Variants in GRIA4 observed in about 807,000 individuals in gnomAD.
GRIA4 encodes the protein glutamate ionotropic receptor AMPA type subunit 4.
In GRIA4, 34 loss-of-function variants were observed where a neutral mutation model predicts 104.0. That is an observed-to-expected ratio of 0.33 (90% confidence interval 0.25 to 0.44). The LOEUF (loss-of-function observed/expected upper bound fraction) is 0.44. Ranked by LOEUF, GRIA4 falls within the 20% of genes least tolerant of loss-of-function variation. The pLI, the probability that GRIA4 is intolerant of heterozygous loss-of-function variation, is 1.00. For synonymous variants in GRIA4, 386 were observed against 381.9 expected (o/e 1.01, Z -0.13); for missense variants, 750 against 1,096.5 (o/e 0.68, Z 4.46).
chr11:105,623,063 A>G (rs1013878696), intron 3 of GRIA4, among the ~76,000 whole-genome samples: 2 of 26,230 alleles, frequency 7.6e-5, no homozygotes, highest in African/African-American at 4.0e-4. Context: ...GTATATATAT[A>G]TATATATATA....
intron 16 of GRIA4, among the ~76,000 whole-genome samples, chr11:105,977,201 G>C (rs1287341531): frequency 2.6e-5 from 4 of 151,986 alleles, no homozygotes; most frequent in African/African-American, 9.6e-5. Flanking sequence ...ACAAATAATT[G>C]TCTATTTTAC....
intron 3 of GRIA4, among the ~76,000 whole-genome samples, chr11:105,686,066 TC>T (rs1250833190): frequency 6.6e-6 from 1 of 152,174 alleles, no homozygotes; most frequent in Non-Finnish European, 1.5e-5. Context: ...CAAAAGAGTT[TC>T]TTTTTTTCAA....
chr11:105,739,826 G>A (rs545691180), intron 3 of GRIA4, among the ~76,000 whole-genome samples: 1 of 151,856 alleles, frequency 6.6e-6, no homozygotes, highest in African/African-American at 2.4e-5. Context: ...ACATCCAGAG[G>A]GCTAATAAGA....
At chr11:105,784,473 G>A (rs1941869089) in intron 4 of GRIA4, among the ~76,000 whole-genome samples, 1 of 152,198 alleles carries the variant, frequency 6.6e-6, no homozygotes, top group South Asian at 2.1e-4. Flanking sequence ...TATAACTGCC[G>A]TGAGTGCAGG....
chr11:105,968,549 T>C (rs1177658976), intron 14 of GRIA4, among the ~76,000 whole-genome samples: 1 of 152,154 alleles, frequency 6.6e-6, no homozygotes, highest in Admixed American at 6.5e-5. Flanking sequence ...GGCTTCACCT[T>C]GAAAGGTAAA....
intron 3 of GRIA4, among the ~76,000 whole-genome samples, chr11:105,671,864 T>G (rs1952385356): frequency 6.6e-6 from 1 of 151,988 alleles, no homozygotes; most frequent in Non-Finnish European, 1.5e-5. Context: ...ATTCCCAGAC[T>G]CCACTCACCC....
At chr11:105,620,046 T>G (rs1010532070) in intron 3 of GRIA4, among the ~76,000 whole-genome samples, 1 of 151,896 alleles carries the variant, frequency 6.6e-6, no homozygotes, top group Admixed American at 6.6e-5. Flanking sequence ...GTGTTACATA[T>G]TCTACATCAG....
intron 3 of GRIA4, among the ~76,000 whole-genome samples, chr11:105,684,890 A>AAGT (rs1952826142): frequency 6.6e-6 from 1 of 151,900 alleles, no homozygotes; most frequent in Non-Finnish European, 1.5e-5. Context: ...CTTACATTGT[A>AAGT]AAGATTACTT....
intron 3 of GRIA4, among the ~76,000 whole-genome samples, chr11:105,736,708 T>C (rs1199619260): frequency 6.6e-6 from 1 of 152,134 alleles, no homozygotes. Flanking sequence ...TAAATTTTTT[T>C]TCAAAAGGCT....
At chr11:105,820,951 C>T (rs1398306626) in intron 4 of GRIA4, among the ~76,000 whole-genome samples, 3 of 152,106 alleles carry the variant, frequency 2.0e-5, no homozygotes, top group East Asian at 1.9e-4. Context: ...CGAAAACTTC[C>T]CTGATGGTAT....
In GRIA4 at chr11:105,890,872, G is replaced by T. The variant is rs150527148; in HGVS notation, c.726+3300G>T. 4.6e-3 allele frequency among the ~76,000 whole-genome samples: 705 copies of T among 152,288 alleles called. 6 individuals carry two copies. The highest frequency in any genetic ancestry group is 7.2e-3 in the Non-Finnish European group (491 of 67,996). On this transcript the variant is annotated intron_variant, in intron 6 of 16. Transcript: ENST00000282499. ...TAAAACTTGCTAGAAATGAAAGATTGCTGCGATTCTTTTTTCTTTTCTATG... is the reference window on the plus strand; with the variant it reads ...TAAAACTTGCTAGAAATGAAAGATTTCTGCGATTCTTTTTTCTTTTCTATG...
chr11:105,713,711 A>G (rs1166475601), intron 3 of GRIA4, among the ~76,000 whole-genome samples: 1 of 152,178 alleles, frequency 6.6e-6, no homozygotes, highest in East Asian at 1.9e-4. Context: ...TTACTTCAGG[A>G]ACATAGTTCA....
chr11:105,831,172 C>G (rs925642687), intron 4 of GRIA4, among the ~76,000 whole-genome samples: 2 of 151,982 alleles, frequency 1.3e-5, no homozygotes, highest in Admixed American at 1.3e-4. Flanking sequence ...ATTCATATGC[C>G]TGGCAAGTTG....
intron 6 of GRIA4, among the ~76,000 whole-genome samples, chr11:105,897,088 T>C (rs1450784623): frequency 1.3e-5 from 2 of 152,120 alleles, no homozygotes; most frequent in African/African-American, 2.4e-5. Context: ...ATTTATTTCA[T>C]CAGTGTTTGG....
intron 4 of GRIA4, among the ~76,000 whole-genome samples, chr11:105,849,465 G>A (rs1367152765): frequency 2.6e-5 from 4 of 152,116 alleles, no homozygotes; most frequent in Admixed American, 2.6e-4. Context: ...CTACAGATCT[G>A]GAATATATAC....
intron 4 of GRIA4, among the ~76,000 whole-genome samples, chr11:105,803,239 A>G (rs1377464017): frequency 6.6e-6 from 1 of 151,984 alleles, no homozygotes; most frequent in Non-Finnish European, 1.5e-5. Context: ...TATATATAGT[A>G]TCTCTGTTAA....
At chr11:105,771,447 G>A (rs1941204081) in intron 4 of GRIA4, among the ~76,000 whole-genome samples, 1 of 151,868 alleles carries the variant, frequency 6.6e-6, no homozygotes, top group South Asian at 2.1e-4. Context: ...TTTTGCCCTT[G>A]CCCTAACTAA....
intron 3 of GRIA4, among the ~76,000 whole-genome samples, chr11:105,686,137 T>C (rs1302828900): frequency 6.6e-6 from 1 of 152,130 alleles, no homozygotes; most frequent in Non-Finnish European, 1.5e-5. Context: ...TATTTTGTGA[T>C]GCTGAGGTTT....
intron 10 of GRIA4, chr11:105,912,520 T>TTA (rs1252945356): frequency 2.0e-5 from 7 of 344,700 alleles, no homozygotes; most frequent in Admixed American, 1.4e-4. Context: ...TCCAACTGTT[T>TTA]TATATATATA....
Sources: allele counts gnomAD v4.1 joint callset (sites outside exome capture counted in the v4.1 genomes callset), GRCh38; gene constraint gnomAD v4.1.1; transcripts MANE v1.5; gene names NCBI Gene and HGNC (gene_info 2026-07-23, HGNC 2026-07-21).